UTRN: variants seen among roughly 807,000 people sequenced by gnomAD.
The protein encoded by UTRN is dystrophin-related protein 1.
Under a neutral mutation model 463.9 loss-of-function variants are expected in UTRN, and 283 were observed. That is an observed-to-expected ratio of 0.61 (90% CI 0.55 to 0.67). The LOEUF is 0.67. Ranked by LOEUF, UTRN falls within the 30% of genes least tolerant of loss-of-function variation. The pLI is 0.00. For missense variants in UTRN, 3,922 were observed against 4,084.3 expected (o/e 0.96, Z 1.08); for synonymous variants, 1,442 against 1,431.5 (o/e 1.01, Z -0.17).
rs1342999748 is a variant in UTRN, at chr6:144,748,368, A to T, written c.8062A>T (p.Lys2688Ter). The change falls in exon 55 of 75, where the codon AAG becomes TAG. Residue 2688 changes from lysine to a stop codon, truncating the protein, a stop_gained. Coordinates refer to ENST00000367545, the MANE Select transcript of UTRN (RefSeq NM_007124.3). LOFTEE classifies it high-confidence loss of function. ...VTSNWQKQVD[K>*]ALEKLRDLQG... ...TAGCAATTGGCAAAAGCAAGTGGAC[A>T]AGGCATTGGAGAAACTCAGAGACCT... 1.2e-6 allele frequency: 2 copies of T among 1,613,920 alleles called. No homozygotes were observed. Among genetic ancestry groups the T allele is most frequent in the East Asian group, 2.2e-5 (1 of 44,780 alleles).
chr6:144,774,195 T>G (rs1306984789), intron 59 of UTRN, 95 bp from the exon 60 acceptor site: 1 of 1,207,894 alleles, frequency 8.3e-7, no homozygotes, highest in African/African-American at 1.6e-5. Context: ...AAACATAATA[T>G]TTTTTCATCA....
At chr6:144,465,321 CAA>C (rs1789839686) in intron 23 of UTRN, among the ~76,000 whole-genome samples, 1 of 152,162 alleles carries the variant, frequency 6.6e-6, no homozygotes, top group South Asian at 2.1e-4. Flanking sequence ...TCCCAAAATA[CAA>C]AAGAGTCCTG....
intron 51 of UTRN, among the ~76,000 whole-genome samples, chr6:144,619,992 G>A (rs1775175014): frequency 6.6e-6 from 1 of 152,144 alleles, no homozygotes; most frequent in African/African-American, 2.4e-5. Context: ...GGATATTTCT[G>A]GAGCTCTCCC....
At chr6:144,719,754 T>C (rs1475918989) in intron 53 of UTRN, among the ~76,000 whole-genome samples, 4 of 152,164 alleles carry the variant, frequency 2.6e-5, no homozygotes, top group Admixed American at 6.5e-5. Context: ...TGGTAGGAAG[T>C]TTAGAATTTA....
At chr6:144,377,614 A>G (rs534170447) in intron 2 of UTRN, among the ~76,000 whole-genome samples, 10 of 152,276 alleles carry the variant, frequency 6.6e-5, no homozygotes, top group African/African-American at 2.4e-4. Context: ...TGCCATTATT[A>G]ACAGTTTCTT....
rs1230521141 is a variant in UTRN at position 144,286,555 on chromosome 6, TTGC to T, written c.-93+738_-93+740del. Among the ~76,000 whole-genome samples, 1 of 152,142 alleles carries T rather than the reference TTGC, an allele frequency of 6.6e-6. No homozygotes were observed. The highest frequency in any genetic ancestry group is 6.5e-5 in the Admixed American group (1 of 15,300). On this transcript the variant is annotated intron_variant, in intron 1 of 74. Transcript: ENST00000367545. The surrounding 1 kb of genome is among the most constrained non-coding windows in gnomAD (Gnocchi z 4.4). Reference sequence around the variant, plus strand: ...TCCTTTTCCGGACTCTGGGGATCTCTTGCTGCAACTGACAAGGTAATTCATGCC... The same window carrying T: ...TCCTTTTCCGGACTCTGGGGATCTCTTGCAACTGACAAGGTAATTCATGCC...
At chr6:144,705,036 G>C (rs1201529915) in intron 53 of UTRN, among the ~76,000 whole-genome samples, 3 of 152,164 alleles carry the variant, frequency 2.0e-5, no homozygotes, top group African/African-American at 7.2e-5. Context: ...CTGTTGCTTT[G>C]TGAGTAAAGG....
At chr6:144,691,782 T>C (rs1029579396) in intron 52 of UTRN, among the ~76,000 whole-genome samples, 1 of 152,234 alleles carries the variant, frequency 6.6e-6, no homozygotes, top group African/African-American at 2.4e-5. Flanking sequence ...TTTGATACTT[T>C]CTACTTAAAA....
intron 51 of UTRN, among the ~76,000 whole-genome samples, chr6:144,610,141 G>A: frequency 7.7e-6 from 1 of 129,648 alleles, no homozygotes; most frequent in South Asian, 2.6e-4. Flanking sequence ...ACAAAACTAA[G>A]AGATTCTTTT....
intron 51 of UTRN, among the ~76,000 whole-genome samples, chr6:144,646,253 AT>A (rs1332003942): frequency 6.6e-6 from 1 of 152,204 alleles, no homozygotes; most frequent in Non-Finnish European, 1.5e-5. Flanking sequence ...TAGTAGAAGC[AT>A]TCCCTTAAGT....
intron 53 of UTRN, among the ~76,000 whole-genome samples, chr6:144,706,044 G>A (rs999655248): frequency 1.3e-5 from 2 of 151,768 alleles, no homozygotes; most frequent in African/African-American, 2.4e-5. Context: ...CATAATTATC[G>A]AATAGTCTAA....
intron 2 of UTRN, among the ~76,000 whole-genome samples, chr6:144,335,477 C>A (rs1776645542): frequency 6.6e-6 from 1 of 152,222 alleles, no homozygotes; most frequent in Non-Finnish European, 1.5e-5. Flanking sequence ...TTCTCCTTTC[C>A]CCTTTTTGGC....
intron 38 of UTRN, 45 bp downstream of exon 38, chr6:144,516,432 TCTC>T: frequency 6.4e-7 from 1 of 1,569,622 alleles, no homozygotes; most frequent in Non-Finnish European, 8.6e-7. Flanking sequence ...TCATTTTTCT[TCTC>T]TATTAATTTC....
chr6:144,772,324 C>T (rs961021511), intron 59 of UTRN, among the ~76,000 whole-genome samples: 1 of 151,908 alleles, frequency 6.6e-6, no homozygotes, highest in East Asian at 1.9e-4. Context: ...TGTGCCCGGC[C>T]GAGAACTGTA....
intron 2 of UTRN, among the ~76,000 whole-genome samples, chr6:144,323,777 T>C (rs1775810492): frequency 6.6e-6 from 1 of 152,346 alleles, no homozygotes; most frequent in African/African-American, 2.4e-5. Context: ...AAACTGGCTG[T>C]ATGTGTCCTT....
intron 50 of UTRN, among the ~76,000 whole-genome samples, chr6:144,569,269 T>G (rs1322786110): frequency 6.6e-6 from 1 of 152,090 alleles, no homozygotes; most frequent in African/African-American, 2.4e-5. Flanking sequence ...ATACATTCAT[T>G]ATAATAATAT....
At chr6:144,850,853 A>G (rs1246927693) in intron 74 of UTRN, 136 bp from the exon 75 acceptor site, 52 of 1,178,856 alleles carry the variant, frequency 4.4e-5, no homozygotes, top group Non-Finnish European at 1.3e-6. Context: ...GAGGGACCTC[A>G]TTGCAGGAAG....
intron 51 of UTRN, among the ~76,000 whole-genome samples, chr6:144,623,718 AT>A (rs996925785): frequency 1.3e-5 from 2 of 152,194 alleles, no homozygotes; most frequent in Non-Finnish European, 2.9e-5. Context: ...CTTTGTTAGT[AT>A]TTAGATTTCA....
chr6:144,570,621 G>A (rs1405142127), intron 50 of UTRN, among the ~76,000 whole-genome samples: 2 of 152,144 alleles, frequency 1.3e-5, no homozygotes, highest in South Asian at 4.1e-4. Context: ...TTTTAAAGTA[G>A]TATCTCTTTT....
Sources: gnomAD v4.1 joint callset for allele counts (sites outside exome capture counted in the v4.1 genomes callset) on GRCh38, gnomAD v4.1.1 for gene constraint, Gnocchi (gnomAD v3.1) non-coding constraint, MANE v1.5 for transcripts, NCBI Gene and HGNC (gene_info 2026-07-23, HGNC 2026-07-21) for gene names.